The following CNTN4 variants were observed in gnomAD, a reference collection of about 807,000 sequenced individuals.
CNTN4 encodes the protein contactin-4.
CNTN4 carries 77 observed loss-of-function variants against 122.5 expected under a neutral mutation model. That is an observed-to-expected ratio of 0.63 (90% CI 0.52 to 0.76). The LOEUF is 0.76. Ranked by LOEUF, CNTN4 falls within the 30% of genes least tolerant of loss-of-function variation. The pLI, the probability that CNTN4 is intolerant of heterozygous loss-of-function variation, is 0.00. For synonymous variants in CNTN4, 512 were observed against 447.0 expected, an observed-to-expected ratio of 1.15 and a Z score of -1.83; for missense variants, 1,256 against 1,259.1, an observed-to-expected ratio of 1.00 and a Z score of 0.04.
intron 3 of CNTN4, among the ~76,000 whole-genome samples, chr3:2,340,698 T>TAGAGAGAG (rs1559468030): frequency 6.5e-5 from 1 of 15,386 alleles, no homozygotes; most frequent in Non-Finnish European, 2.6e-4. Flanking sequence ...TATATATATA[T>TAGAGAGAG]ATATATATAT....
intron 3 of CNTN4, among the ~76,000 whole-genome samples, chr3:2,467,447 A>T (rs550246640): frequency 6.6e-6 from 1 of 152,332 alleles, no homozygotes; most frequent in East Asian, 1.9e-4. Flanking sequence ...TGTGAAATGC[A>T]TCTTAACATA....
At chr3:2,358,211 C>T (rs926709499) in intron 3 of CNTN4, among the ~76,000 whole-genome samples, 1 of 152,156 alleles carries the variant, frequency 6.6e-6, no homozygotes, top group African/African-American at 2.4e-5. Flanking sequence ...GTCCACTTAA[C>T]AGTTTGAGGA....
intron 4 of CNTN4, among the ~76,000 whole-genome samples, chr3:2,689,768 C>G (rs1418251560): frequency 6.6e-6 from 1 of 152,068 alleles, no homozygotes; most frequent in South Asian, 2.1e-4. Context: ...CCCCCACCTC[C>G]TCTCTCCTAT....
chr3:2,697,300 C>T (rs567761102), intron 4 of CNTN4, among the ~76,000 whole-genome samples: 1 of 152,182 alleles, frequency 6.6e-6, no homozygotes, highest in South Asian at 2.1e-4. Flanking sequence ...GACTGTTTCT[C>T]CTGCTTTTGC....
chr3:2,405,230 T>C (rs978886048), intron 3 of CNTN4, among the ~76,000 whole-genome samples: 2 of 152,190 alleles, frequency 1.3e-5, no homozygotes, highest in Non-Finnish European at 2.9e-5. Context: ...TTGGTCAGTA[T>C]GGTACATATA....
In CNTN4 at chr3:2,870,751, A is replaced by G. The variant is rs1031128874; in HGVS notation, c.652+3802A>G. Among the ~76,000 whole-genome samples, 3 of 152,330 alleles carry G rather than the reference A, an allele frequency of 2.0e-5. No individual in the cohort carries two copies. The East Asian group carries it at 5.8e-4, about 29-fold the overall frequency. On this transcript the variant is annotated intron_variant, in intron 8 of 24. Coordinates refer to ENST00000418658, the MANE Select transcript of CNTN4 (RefSeq NM_175607.3). ...AGCTGAACTAATTGCTAGACTTGTC[A>G]TTTACTTTGCTAAGAGCACATGTAG...
chr3:2,642,095 C>G (rs1392910122), intron 4 of CNTN4, among the ~76,000 whole-genome samples: 2 of 152,208 alleles, frequency 1.3e-5, no homozygotes, highest in African/African-American at 2.4e-5. Flanking sequence ...AATAGGCTGT[C>G]TGCAAGCTGC....
intron 3 of CNTN4, among the ~76,000 whole-genome samples, chr3:2,423,607 G>A (rs2047694841): frequency 6.6e-6 from 1 of 150,760 alleles, no homozygotes; most frequent in Non-Finnish European, 1.5e-5. Flanking sequence ...TGAAAAATTT[G>A]CTCTGGTTTT....
intron 14 of CNTN4, among the ~76,000 whole-genome samples, chr3:2,994,538 G>A (rs1016159067): frequency 2.6e-5 from 4 of 151,108 alleles, no homozygotes; most frequent in African/African-American, 9.7e-5. Context: ...GCCAGAAAGA[G>A]TGCTCATTGT....
At chr3:2,708,942 T>C (rs905669168) in intron 4 of CNTN4, among the ~76,000 whole-genome samples, 101 of 152,336 alleles carry the variant, frequency 6.6e-4, no homozygotes, top group African/African-American at 2.1e-3. Flanking sequence ...CAATCATGTA[T>C]GGATGATCTC....
chr3:2,725,718 G>A (rs1166723893), intron 4 of CNTN4, among the ~76,000 whole-genome samples: 1 of 152,022 alleles, frequency 6.6e-6, no homozygotes, highest in Admixed American at 6.6e-5. Context: ...TCAGGTTGAA[G>A]TACAGACACA....
chr3:2,892,336 C>T (rs576779930), intron 10 of CNTN4: 1 of 152,276 alleles, frequency 6.6e-6, no homozygotes, highest in African/African-American at 2.4e-5. Context: ...TGTCTGGGAA[C>T]CACATAGTGA....
intron 4 of CNTN4, among the ~76,000 whole-genome samples, chr3:2,692,549 G>C (rs2085798505): frequency 6.6e-6 from 1 of 152,030 alleles, no homozygotes; most frequent in Non-Finnish European, 1.5e-5. Flanking sequence ...TTATCTTTCT[G>C]AGGCCTGTTG....
In CNTN4 at chr3:3,056,370, A is replaced by G; in HGVS notation, c.*150A>G. On this transcript the variant is annotated 3_prime_UTR_variant, in exon 25 of 25. Transcript: ENST00000418658. ...TTTGCTTCTTTAGGAATGGCATTAT[A>G]CAGTACTTCCTCAAAGCAAATCTAG... 3.1e-6 allele frequency: 2 copies of G among 655,550 alleles called. No homozygotes were observed. Among genetic ancestry groups the G allele is most frequent in the Non-Finnish European group, 5.5e-6 (2 of 365,812 alleles). The allele number at this position is 655,550 out of a possible 1,614,324, so 40.6% of individuals were successfully genotyped here.
chr3:3,039,240 G>C, intron 19 of CNTN4: 2 of 465,412 alleles, frequency 4.3e-6, no homozygotes, highest in Middle Eastern at 5.8e-4. Flanking sequence ...ATGAAGGGAA[G>C]ACAACACACG....
intron 4 of CNTN4, among the ~76,000 whole-genome samples, chr3:2,626,262 G>A (rs1341147933): frequency 6.6e-6 from 1 of 152,034 alleles, no homozygotes; most frequent in Non-Finnish European, 1.5e-5. Flanking sequence ...CTAAGGCCGA[G>A]GTGGGCGGAT....
At chr3:2,663,801 A>T (rs2084018148) in intron 4 of CNTN4, among the ~76,000 whole-genome samples, 1 of 152,246 alleles carries the variant, frequency 6.6e-6, no homozygotes, top group South Asian at 2.1e-4. Context: ...GTAAAACAAT[A>T]CTATTCAGCA....
At chr3:2,413,896 G>C (rs1383038766) in intron 3 of CNTN4, among the ~76,000 whole-genome samples, 2 of 152,150 alleles carry the variant, frequency 1.3e-5, no homozygotes, top group African/African-American at 2.4e-5. Flanking sequence ...ACCATTTATA[G>C]CTGTAAGTGT....
Position 2,585,894 on chromosome 3 carries a change from A to C in CNTN4, c.55+14336A>C, listed in dbSNP as rs146343878. On this transcript the variant is annotated intron_variant, in intron 4 of 24. Coordinates refer to ENST00000418658, the MANE Select transcript of CNTN4 (RefSeq NM_175607.3). ...GAGGGGGAGAAAAAAAAAAAAGCTA[A>C]TGAGGCTAGCTAGGCTCAGTGTTTC... Among the ~76,000 whole-genome samples the C allele has an allele frequency of 2.0e-3, 301 of 152,064 alleles. 2 individuals carry two copies. The highest frequency in any genetic ancestry group is 6.8e-3 in the Middle Eastern group (2 of 292).
Sources: allele counts gnomAD v4.1 joint callset (sites outside exome capture counted in the v4.1 genomes callset), GRCh38; gene constraint gnomAD v4.1.1; transcripts MANE v1.5; gene names NCBI Gene and HGNC (gene_info 2026-07-23, HGNC 2026-07-21).